The following DMXL1 variants were observed in gnomAD, a reference collection of about 807,000 sequenced individuals.
DMXL1 encodes the protein Dmx like 1, also known as dmX-like protein 1.
In DMXL1, 99 loss-of-function variants were observed where a neutral mutation model predicts 319.2. The ratio of observed to expected loss-of-function variants is 0.31; its 90% CI spans 0.26 to 0.37. The LOEUF (loss-of-function observed/expected upper bound fraction) is 0.37. Ranked by LOEUF, DMXL1 falls within the 10% of genes least tolerant of loss-of-function variation. The pLI, the probability that DMXL1 is intolerant of heterozygous loss-of-function variation, is 1.00. For synonymous variants in DMXL1, 1,385 were observed against 1,235.2 expected, an observed-to-expected ratio of 1.12 and a Z score of -2.54; for missense variants, 3,745 against 3,595.6, an observed-to-expected ratio of 1.04 and a Z score of -1.06.
chr5:119,195,368 A>T (rs1383659544), intron 30 of DMXL1, among the ~76,000 whole-genome samples: 1 of 152,230 alleles, frequency 6.6e-6, no homozygotes, highest in Non-Finnish European at 1.5e-5. Flanking sequence ...CAGATGAATT[A>T]CTAAACAAAA....
intron 28 of DMXL1, among the ~76,000 whole-genome samples, chr5:119,178,849 A>G (rs1776299947): frequency 6.6e-6 from 1 of 152,238 alleles, no homozygotes. Flanking sequence ...AACAATGATT[A>G]GCAGTTTAGA....
intron 27 of DMXL1, 102 bp from the exon 28 acceptor site, chr5:119,177,894 C>A: frequency 9.3e-7 from 1 of 1,073,054 alleles, no homozygotes. Context: ...AGTATTAACT[C>A]CTGATGCAAT....
At chr5:119,227,282 G>C (rs536051421) in intron 38 of DMXL1, among the ~76,000 whole-genome samples, 1 of 151,962 alleles carries the variant, frequency 6.6e-6, no homozygotes, top group South Asian at 2.1e-4. Flanking sequence ...TGTTTAATGT[G>C]TTTTCCCTTT....
chr5:119,228,325 C>G (rs181429750), intron 38 of DMXL1, among the ~76,000 whole-genome samples: 1 of 152,146 alleles, frequency 6.6e-6, no homozygotes, highest in East Asian at 1.9e-4. Context: ...AAACAATAAC[C>G]ATCTGTCAGT....
At chr5:119,120,327 A>C (rs1049929495) in intron 8 of DMXL1, among the ~76,000 whole-genome samples, 1 of 152,250 alleles carries the variant, frequency 6.6e-6, no homozygotes, top group Non-Finnish European at 1.5e-5. Context: ...TGATTCAACA[A>C]CGAATAGAAT....
At chr5:119,122,142 C>A (rs1762252530) in intron 9 of DMXL1, among the ~76,000 whole-genome samples, 1 of 135,302 alleles carries the variant, frequency 7.4e-6, no homozygotes, top group Non-Finnish European at 1.6e-5. Flanking sequence ...GGGGGCTGAC[C>A]CCCCCACCTC....
intron 19 of DMXL1, among the ~76,000 whole-genome samples, chr5:119,155,826 C>CAAAAAAAAAAAA (rs35851317): frequency 1.2e-5 from 1 of 84,844 alleles, no homozygotes. Context: ...GACCCTGTCT[C>CAAAAAAAAAAAA]AAAAAAAAAA....
intron 35 of DMXL1, among the ~76,000 whole-genome samples, chr5:119,217,404 C>T (rs1011242840): frequency 5.9e-5 from 9 of 152,102 alleles, no homozygotes; most frequent in East Asian, 1.9e-4. Flanking sequence ...AGCTGCCCAA[C>T]GTGTGTATTT....
Position 119,150,051 on chromosome 5 carries a change from A to G in DMXL1, c.4224A>G (p.Leu1408=). Residue 1408 remains leucine (L), a synonymous_variant, in exon 18 of 44, where the codon TTA becomes TTG. Transcript: ENST00000539542. ...TAGATTCTGTTCCTCCACTTCCTTT[A>G]TATGCCTTACTTGCAGCAGATGATG... ...TEIDSVPPLP[L]YALLAADDDS... is the part of the protein sequence containing the mutation. The G allele has an allele frequency of 3.7e-6, 6 of 1,613,930 alleles. No homozygotes were observed. The highest frequency in any genetic ancestry group is 3.4e-6 in the Non-Finnish European group (4 of 1,179,898).
intron 3 of DMXL1, among the ~76,000 whole-genome samples, chr5:119,102,599 T>A (rs1235890069): frequency 6.6e-6 from 1 of 152,164 alleles, no homozygotes; most frequent in Non-Finnish European, 1.5e-5. Flanking sequence ...GAGGATTGCA[T>A]AAGGCCAGGA....
chr5:119,158,490 C>G lies in DMXL1; in HGVS notation c.4703-6017C>G, dbSNP rs192576045. Among the ~76,000 whole-genome samples, 587 of 152,240 alleles carry G rather than the reference C, an allele frequency of 3.9e-3. 8 individuals carry two copies. The highest frequency in any genetic ancestry group is 0.026 in the South Asian group (125 of 4,826). Reference sequence around the variant, plus strand: ...TTTATTTCTTTCTCTTGTCTAAATGCTCTGGCAGGGACTTCTAGTACTATC... The same window carrying G: ...TTTATTTCTTTCTCTTGTCTAAATGGTCTGGCAGGGACTTCTAGTACTATC... On this transcript the variant is annotated intron_variant, in intron 19 of 43. Transcript: ENST00000539542.
intron 28 of DMXL1, among the ~76,000 whole-genome samples, chr5:119,180,497 T>G (rs751793932): frequency 2.6e-5 from 4 of 152,184 alleles, no homozygotes; most frequent in Admixed American, 6.5e-5. Flanking sequence ...CCCATTTGCC[T>G]TAAATTAAAC....
chr5:119,149,908 A>C lies in DMXL1; in HGVS notation c.4081A>C (p.Asn1361His), dbSNP rs1183346150. 1 of 1,613,792 alleles carries C rather than the reference A, an allele frequency of 6.2e-7. No homozygotes were observed. Among genetic ancestry groups the C allele is most frequent in the Admixed American group, 1.7e-5 (1 of 59,906 alleles). ...KCIAGEVVAL[N>H]EAESNHERRL... is the part of the protein sequence containing the mutation. ...CATTGCTGGGGAAGTTGTGGCTCTG[A>C]ATGAAGCTGAATCTAATCATGAACG... The change falls in exon 18 of 44, where the codon AAT becomes CAT. Residue 1361 changes from asparagine (N) to histidine (H), a missense_variant. By Grantham distance (68) the Asn-to-His change is moderately conservative (BLOSUM62 1). Coordinates refer to ENST00000539542, the MANE Select transcript of DMXL1 (RefSeq NM_001290321.3).
intron 1 of DMXL1, among the ~76,000 whole-genome samples, chr5:119,075,001 GC>G (rs1340847703): frequency 4.6e-5 from 7 of 152,090 alleles, no homozygotes; most frequent in African/African-American, 1.7e-4. Context: ...AAAGTGCTAA[GC>G]TGTAAGTCCA....
At chr5:119,155,317 G>A (rs1045485501) in intron 19 of DMXL1, among the ~76,000 whole-genome samples, 4 of 152,056 alleles carry the variant, frequency 2.6e-5, no homozygotes, top group Non-Finnish European at 4.4e-5. Flanking sequence ...CACTGGAAAG[G>A]CTTCACCATT....
intron 1 of DMXL1, among the ~76,000 whole-genome samples, chr5:119,073,568 T>C (rs968650690): frequency 1.3e-5 from 2 of 152,200 alleles, no homozygotes; most frequent in African/African-American, 4.8e-5. Flanking sequence ...ATCATGTAGC[T>C]TGTTGCTCAG....
chr5:119,246,610 A>G (rs954371436), intron 43 of DMXL1, among the ~76,000 whole-genome samples: 1 of 123,360 alleles, frequency 8.1e-6, no homozygotes, highest in Non-Finnish European at 1.8e-5. Context: ...TAAAATTTTT[A>G]TTTGGTTTCT....
intron 18 of DMXL1, 131 bp downstream of exon 18, chr5:119,150,552 G>T: frequency 1.0e-6 from 1 of 996,802 alleles, no homozygotes; most frequent in Non-Finnish European, 1.4e-6. Flanking sequence ...TCTTTGGGAG[G>T]CTGAGGCAGG....
intron 28 of DMXL1, among the ~76,000 whole-genome samples, chr5:119,184,593 CTGTAACTTTTTCATCT>C (rs1162530117): frequency 1.3e-5 from 2 of 152,192 alleles, no homozygotes; most frequent in Non-Finnish European, 2.9e-5. Context: ...AAACAAATCT[CTGTAACTTTTTCATCT>C]TGCAAATCTG....
Sources: gnomAD v4.1 joint callset for allele counts (sites outside exome capture counted in the v4.1 genomes callset) on GRCh38, gnomAD v4.1.1 for gene constraint, MANE v1.5 for transcripts, NCBI Gene and HGNC (gene_info 2026-07-23, HGNC 2026-07-21) for gene names.